Variants in P4HA1 observed in about 807,000 individuals in gnomAD.
The protein encoded by P4HA1 is prolyl 4-hydroxylase subunit alpha-1.
P4HA1 carries 24 observed loss-of-function variants against 72.8 expected under a neutral mutation model. The observed-to-expected ratio is 0.33, with a 90% CI of 0.24 to 0.46. P4HA1 has a LOEUF of 0.46. Ranked by LOEUF, P4HA1 falls within the 20% of genes least tolerant of loss-of-function variation. P4HA1 has a pLI of 1.00. For synonymous variants in P4HA1, 201 were observed against 218.8 expected (o/e 0.92, Z 0.72); for missense variants, 446 against 640.6 (o/e 0.70, Z 3.28).
chr10:73,042,464 T>C (rs1840759126), intron 9 of P4HA1, among the ~76,000 whole-genome samples: 1 of 152,208 alleles, frequency 6.6e-6, no homozygotes, highest in Non-Finnish European at 1.5e-5. Flanking sequence ...AGTTGACAAC[T>C]AAATTTTTTC....
At chr10:73,067,977 C>T (rs1480322207) in intron 5 of P4HA1, among the ~76,000 whole-genome samples, 1 of 151,796 alleles carries the variant, frequency 6.6e-6, no homozygotes, top group Non-Finnish European at 1.5e-5. Context: ...AAACCTGAAA[C>T]CAATTTTAAA....
chr10:73,021,420 T>C (rs1181105607), intron 10 of P4HA1, among the ~76,000 whole-genome samples: 1 of 152,208 alleles, frequency 6.6e-6, no homozygotes, highest in Non-Finnish European at 1.5e-5. Context: ...TCAACCTAAG[T>C]GTCCATCAAC....
At chr10:73,093,854 AAAAAAAAAAAAAAAAAAAAATAT>A in intron 1 of P4HA1, among the ~76,000 whole-genome samples, 3 of 58,054 alleles carry the variant, frequency 5.2e-5, no homozygotes, top group Non-Finnish European at 9.1e-5. Flanking sequence ...AAAAAAAAAA[AAAAAAAAAAAAAAAAAAAAATAT>A]ATATATATAT....
rs921737636 is a variant in P4HA1 at position 73,009,971 on chromosome 10, C to A, written c.1438-68G>T. ...AGGTAATTGCTTTCGGTAGTTATTA[C>A]TTTTTTTTTTTTTTTGAGACAGAGT... On this transcript the variant is annotated intron_variant, in intron 13 of 14. Transcript: ENST00000394890. 951 of 653,974 alleles carry A rather than the reference C, an allele frequency of 1.5e-3. 7 individuals carry two copies. In the African/African-American group the frequency reaches 0.016, roughly 11 times the overall value. 40.5% of individuals were successfully genotyped at this position (653,974 alleles called of 1,614,324 possible).
chr10:73,022,164 TC>T (rs1180816238), intron 10 of P4HA1, among the ~76,000 whole-genome samples: 1 of 152,148 alleles, frequency 6.6e-6, no homozygotes, highest in Non-Finnish European at 1.5e-5. Flanking sequence ...GCATTTGAGC[TC>T]TGAGAACCAA....
At chr10:73,017,026 T>C (rs1840020022) in intron 10 of P4HA1, 127 bp from the exon 11 acceptor site, 2 of 610,048 alleles carry the variant, frequency 3.3e-6, no homozygotes, top group Non-Finnish European at 5.6e-6. Context: ...ATGAAAAATA[T>C]TTAAAATCAA....
intron 10 of P4HA1, among the ~76,000 whole-genome samples, chr10:73,022,693 C>T (rs1840164502): frequency 6.6e-6 from 1 of 152,074 alleles, no homozygotes; most frequent in Admixed American, 6.6e-5. Flanking sequence ...AATAACAAAC[C>T]TCCCAGCTAA....
chr10:73,031,092 G>C (rs1223374637), intron 9 of P4HA1, among the ~76,000 whole-genome samples: 1 of 152,086 alleles, frequency 6.6e-6, no homozygotes. Context: ...ACATATAATA[G>C]CCAAAAAGTA....
At chr10:73,059,424 TAAAAAAAAAAAAAAAA>T (rs920360586) in intron 5 of P4HA1, among the ~76,000 whole-genome samples, 78 of 24,180 alleles carry the variant, frequency 3.2e-3, no homozygotes, top group Non-Finnish European at 4.5e-3. Context: ...ACAATATATT[TAAAAAAAAAAAAAAAA>T]AAAAAAAAAA....
At chr10:73,092,714 T>TA (rs1437712229) in intron 1 of P4HA1, among the ~76,000 whole-genome samples, 1 of 151,484 alleles carries the variant, frequency 6.6e-6, no homozygotes, top group Non-Finnish European at 1.5e-5. Context: ...ATTTAAAAAT[T>TA]AAAAAATTGG....
intron 9 of P4HA1, among the ~76,000 whole-genome samples, chr10:73,032,650 T>C (rs1184091548): frequency 3.3e-5 from 5 of 152,220 alleles, no homozygotes; most frequent in Admixed American, 1.3e-4. Flanking sequence ...AATATTCTTT[T>C]TCACTTTGCA....
In P4HA1 at chr10:73,072,127, C is replaced by A. The variant is rs765085101; in HGVS notation, c.227G>T (p.Gly76Val). ...TGCATTTACTGGATGCCCAACAAATCCTTCTGGATCTTTTGTCGCTGTACT... is the reference window on the plus strand; with the variant it reads ...TGCATTTACTGGATGCCCAACAAATACTTCTGGATCTTTTGTCGCTGTACT... The part of the protein sequence containing the change: ...LTSTATKDPE[G>V]FVGHPVNAFK... Residue 76 changes from glycine to valine, a missense_variant, in exon 4 of 15, where the codon GGA becomes GTA. Physicochemically the swap from Gly to Val is moderately radical, Grantham distance 109. Transcript: ENST00000394890. 7 of 1,613,372 alleles carry A rather than the reference C, an allele frequency of 4.3e-6. No individual in the cohort carries two copies. The highest frequency in any genetic ancestry group is 1.3e-5 in the African/African-American group (1 of 74,916).
At chr10:73,025,697 T>C in intron 10 of P4HA1, among the ~76,000 whole-genome samples, 1 of 152,132 alleles carries the variant, frequency 6.6e-6, no homozygotes, top group Non-Finnish European at 1.5e-5. Context: ...ATGACATGAT[T>C]GTATATTTAG....
chr10:73,021,824 G>C (rs1205008940), intron 10 of P4HA1, among the ~76,000 whole-genome samples: 1 of 152,254 alleles, frequency 6.6e-6, no homozygotes, highest in African/African-American at 2.4e-5. Flanking sequence ...GCAACTGGCA[G>C]ACCAGGAGAT....
At chr10:73,069,052 AAG>A in intron 4 of P4HA1, 69 bp from the exon 5 acceptor site, 1 of 1,179,442 alleles carries the variant, frequency 8.5e-7, no homozygotes, top group Non-Finnish European at 1.2e-6. Context: ...GAGACTTAAT[AAG>A]GATTGTTCAA....
intron 5 of P4HA1, among the ~76,000 whole-genome samples, chr10:73,054,813 A>G (rs990897717): frequency 2.0e-5 from 3 of 152,182 alleles, no homozygotes; most frequent in South Asian, 2.1e-4. Context: ...GAGGCATTTC[A>G]TTGTGGTTTT....
chr10:73,016,777 T>C (rs998283300), intron 11 of P4HA1, 69 bp downstream of exon 11: 10 of 1,193,126 alleles, frequency 8.4e-6, no homozygotes, highest in Non-Finnish European at 1.2e-5. Flanking sequence ...ACTGTTTTTT[T>C]GTTTTGTTTT....
intron 10 of P4HA1, among the ~76,000 whole-genome samples, chr10:73,027,848 G>C (rs1450194184): frequency 6.1e-5 from 8 of 131,442 alleles, no homozygotes; most frequent in African/African-American, 2.2e-4. Flanking sequence ...AAGGGAGGGA[G>C]AGAGGAGGGG....
At chr10:73,064,378 G>A (rs1457527381) in intron 5 of P4HA1, among the ~76,000 whole-genome samples, 1 of 152,132 alleles carries the variant, frequency 6.6e-6, no homozygotes, top group Non-Finnish European at 1.5e-5. Flanking sequence ...GGGAGACTGA[G>A]GTAGGAGGAT....
Sources: gnomAD v4.1 joint callset for allele counts (sites outside exome capture counted in the v4.1 genomes callset) on GRCh38, gnomAD v4.1.1 for gene constraint, MANE v1.5 for transcripts, NCBI Gene and HGNC (gene_info 2026-07-23, HGNC 2026-07-21) for gene names.